The following SKAP1 variants were observed in gnomAD, a reference collection of about 807,000 sequenced individuals.
SKAP1 encodes the protein src kinase-associated phosphoprotein 1.
Under a neutral mutation model 58.5 loss-of-function variants are expected in SKAP1, and 44 were observed. The observed-to-expected ratio is 0.75, with a 90% CI of 0.59 to 0.97. SKAP1 has a LOEUF of 0.97. Among genes scored for constraint, SKAP1 ranks in the 50% least tolerant of loss-of-function variants. The pLI is 0.00. For synonymous variants in SKAP1, 127 were observed against 149.7 expected (o/e 0.85, Z 1.11); for missense variants, 390 against 435.2 (o/e 0.90, Z 0.92).
chr17:48,422,657 C>T (rs936501933), intron 1 of SKAP1, among the ~76,000 whole-genome samples: 5 of 152,062 alleles, frequency 3.3e-5, no homozygotes, highest in African/African-American at 1.2e-4. Flanking sequence ...TATGAGAAAA[C>T]ATTAATGTTC....
chr17:48,189,394 G>A (rs1567812515), intron 5 of SKAP1, 29 bp downstream of exon 5: 1 of 1,563,876 alleles, frequency 6.4e-7, no homozygotes. Flanking sequence ...TTCCTGGAAT[G>A]TTCTGAAATC....
chr17:48,167,483 C>T (rs2064155957), intron 10 of SKAP1, among the ~76,000 whole-genome samples: 1 of 152,072 alleles, frequency 6.6e-6, no homozygotes, highest in African/African-American at 2.4e-5. Context: ...TGTGGTTTCC[C>T]TTTGTTTCTT....
At chr17:48,164,987 G>A (rs2064116813) in intron 10 of SKAP1, among the ~76,000 whole-genome samples, 1 of 152,216 alleles carries the variant, frequency 6.6e-6, no homozygotes, top group African/African-American at 2.4e-5. Context: ...CTAAATGCCA[G>A]GGACTGTGTT....
At chr17:48,383,540 G>T (rs879620760) in intron 2 of SKAP1, among the ~76,000 whole-genome samples, 51 of 152,110 alleles carry the variant, frequency 3.4e-4, no homozygotes, top group Non-Finnish European at 1.2e-4. Flanking sequence ...TCATGTGTAT[G>T]TATTTAAGCA....
At chr17:48,443,048 C>T in the SKAP1 span, among the ~76,000 whole-genome samples, 1 of 152,142 alleles carries the variant, frequency 6.6e-6, no homozygotes, top group Non-Finnish European at 1.5e-5. Context: ...ATACCCACTC[C>T]CACTTCCGTT....
Position 48,162,513 on chromosome 17 carries a change from C to T in SKAP1, c.934G>A (p.Glu312Lys). Residue 312 changes from glutamate to lysine, a missense_variant, in exon 11 of 13, where the codon GAA becomes AAA. By Grantham distance (56) the Glu-to-Lys change is moderately conservative. Coordinates refer to ENST00000336915, the MANE Select transcript of SKAP1 (RefSeq NM_003726.4). ...AGGTCACCCCGTTGGAAGGACAGTT[C>T]ATCTGGCTGGTCACCATGGCAATCC... ...LWDCHGDQPDELSFQRGDLIR... is the reference protein window; with the variant it reads ...LWDCHGDQPDKLSFQRGDLIR... 1 of 1,614,076 alleles carries T rather than the reference C, an allele frequency of 6.2e-7. No individual in the cohort carries two copies. The highest frequency in any genetic ancestry group is 8.5e-7 in the Non-Finnish European group (1 of 1,179,972).
intron 11 of SKAP1, among the ~76,000 whole-genome samples, chr17:48,140,499 C>T (rs536816639): frequency 6.6e-6 from 1 of 152,204 alleles, no homozygotes; most frequent in African/African-American, 2.4e-5. Flanking sequence ...GTAGAGTATC[C>T]ACCATGTCTG....
At chr17:48,287,528 T>C (rs1384349901) in intron 4 of SKAP1, among the ~76,000 whole-genome samples, 2 of 152,086 alleles carry the variant, frequency 1.3e-5, no homozygotes, top group East Asian at 3.8e-4. Flanking sequence ...TAGTTCCTAC[T>C]AGGCACAGAA....
At chr17:48,248,526 C>T (rs1007068860) in intron 4 of SKAP1, among the ~76,000 whole-genome samples, 4 of 152,030 alleles carry the variant, frequency 2.6e-5, no homozygotes, top group African/African-American at 7.3e-5. Context: ...GAGATTGCGC[C>T]GCTGCACTCC....
intron 4 of SKAP1, among the ~76,000 whole-genome samples, chr17:48,318,734 T>C (rs2066321960): frequency 1.3e-5 from 2 of 152,140 alleles, no homozygotes; most frequent in South Asian, 4.1e-4. Flanking sequence ...AGGCATGGCA[T>C]GTGCCTATAG....
At chr17:48,268,076 G>A (rs562415436) in intron 4 of SKAP1, among the ~76,000 whole-genome samples, 5 of 152,000 alleles carry the variant, frequency 3.3e-5, no homozygotes, top group South Asian at 2.1e-4. Context: ...TCAAATCCTC[G>A]AAAGACAGAC....
At chr17:48,161,960 A>ATTAT (rs771047550) in intron 11 of SKAP1, among the ~76,000 whole-genome samples, 10 of 151,660 alleles carry the variant, frequency 6.6e-5, no homozygotes, top group Admixed American at 3.3e-4. Context: ...TATTATTTTT[A>ATTAT]TTATTTATTT....
At chr17:48,168,779 T>C (rs2064173749) in intron 10 of SKAP1, among the ~76,000 whole-genome samples, 3 of 152,174 alleles carry the variant, frequency 2.0e-5, no homozygotes, top group Admixed American at 2.0e-4. Context: ...TTTAAATGCC[T>C]TCACTGGGGC....
chr17:48,137,250 C>T lies in SKAP1; in HGVS notation c.1066G>A (p.Val356Met). ...PKEYLTTAFEVEER is the reference protein window; with the variant it reads ...PKEYLTTAFEMEER The stretch of plus-strand genomic sequence containing the variant: ...ATACCTGGGTTTCATCTTTCTTCCA[C>T]TTCAAAGGCAGTGGTGAGATACTCC... The change falls in exon 12 of 13, where the codon GTG (valine) becomes ATG (methionine). Residue 356 changes from valine to methionine, a missense_variant. Transcript: ENST00000336915. 2 of 1,613,264 alleles carry T rather than the reference C, an allele frequency of 1.2e-6. No individual in the cohort carries two copies. The highest frequency in any genetic ancestry group is 8.5e-7 in the Non-Finnish European group (1 of 1,179,312).
intron 4 of SKAP1, among the ~76,000 whole-genome samples, chr17:48,343,498 A>G (rs1284283404): frequency 6.6e-6 from 1 of 152,220 alleles, no homozygotes; most frequent in Non-Finnish European, 1.5e-5. Context: ...AGTTTTTAAC[A>G]TAGAAATAGG....
intron 10 of SKAP1, among the ~76,000 whole-genome samples, chr17:48,167,686 G>A (rs1488832784): frequency 6.6e-6 from 1 of 152,162 alleles, no homozygotes; most frequent in African/African-American, 2.4e-5. Flanking sequence ...GCAGACTGAA[G>A]GAGGTACGGG....
rs111929269 is a variant in SKAP1 at position 48,389,434 on chromosome 17, G to A, written c.152+7246C>T. Among the ~76,000 whole-genome samples the A allele has an allele frequency of 4.1e-3, 619 of 152,350 alleles. 8 individuals carry two copies. Among genetic ancestry groups the A allele is most frequent in the African/African-American group, 0.014 (593 of 41,582 alleles). On this transcript the variant is annotated intron_variant, in intron 2 of 12. Coordinates refer to ENST00000336915, the MANE Select transcript of SKAP1 (RefSeq NM_003726.4). ...GAAGAAACTACATCACGCCTGGGGC[G>A]ATAGGCTGAGATCTTCCCAAACAGG...
At chr17:48,220,339 G>A (rs1271424792) in intron 4 of SKAP1, among the ~76,000 whole-genome samples, 1 of 152,008 alleles carries the variant, frequency 6.6e-6, no homozygotes, top group Non-Finnish European at 1.5e-5. Flanking sequence ...ATGAATAAAG[G>A]AAATACTATA....
intron 3 of SKAP1, among the ~76,000 whole-genome samples, chr17:48,350,450 C>T (rs532292031): frequency 1.3e-5 from 2 of 152,226 alleles, no homozygotes; most frequent in South Asian, 2.1e-4. Flanking sequence ...AATCCCAGCA[C>T]TTTGGGAGGC....
Sources: allele counts gnomAD v4.1 joint callset (sites outside exome capture counted in the v4.1 genomes callset), GRCh38; gene constraint gnomAD v4.1.1; transcripts MANE v1.5; gene names NCBI Gene and HGNC (gene_info 2026-07-23, HGNC 2026-07-21).